Variants in KLHL2 observed in about 807,000 individuals in gnomAD.
KLHL2 encodes the protein kelch like family member 2.
In KLHL2, 15 loss-of-function variants were observed where a neutral mutation model predicts 75.8. The ratio of observed to expected loss-of-function variants is 0.20; its 90% confidence interval spans 0.13 to 0.30. The LOEUF is 0.30. Among genes scored for constraint, KLHL2 ranks in the 10% least tolerant of loss-of-function variants. KLHL2 has a pLI of 1.00. For synonymous variants in KLHL2, 214 were observed against 251.9 expected (o/e 0.85, Z 1.42); for missense variants, 381 against 741.0 (o/e 0.51, Z 5.64).
At chr4:165,275,982 G>A (rs1322688418) in intron 5 of KLHL2, among the ~76,000 whole-genome samples, 1 of 149,586 alleles carries the variant, frequency 6.7e-6, no homozygotes, top group Middle Eastern at 3.2e-3. Flanking sequence ...AAAAAAAAGA[G>A]CCAGGCATGG....
chr4:165,294,379 G>C lies in KLHL2; in HGVS notation c.565G>C (p.Val189Leu), dbSNP rs775595590. 6.2e-7 allele frequency: 1 copy of C among 1,607,722 alleles called. No individual in the cohort carries two copies. The highest frequency in any genetic ancestry group is 2.2e-5 in the East Asian group (1 of 44,814). The change falls in exon 6 of 15, where the codon GTA becomes CTA. Residue 189 changes from valine (V) to leucine (L), a missense_variant. Val to Leu is a conservative substitution (Grantham distance 32, BLOSUM62 1). Around this residue, in one of 5 missense-constraint regions of KLHL2, gnomAD observed 111 missense variants for 150.1 expected, o/e 0.74. Coordinates refer to ENST00000226725, the MANE Select transcript of KLHL2 (RefSeq NM_007246.4). Reference sequence around the variant, plus strand: ...AACAGAGCAACATTTTGCAGATGTTGTACTTAGTGAAGAATTTCTCAATCT... The same window carrying C: ...AACAGAGCAACATTTTGCAGATGTTCTACTTAGTGAAGAATTTCTCAATCT... ...TYAEQHFADVVLSEEFLNLGI... is the reference protein window; with the variant it reads ...TYAEQHFADVLLSEEFLNLGI...
At chr4:165,219,188 G>C (rs1290011988) in intron 1 of KLHL2, among the ~76,000 whole-genome samples, 5 of 152,180 alleles carry the variant, frequency 3.3e-5, no homozygotes, top group African/African-American at 1.2e-4. Context: ...AATATTCACT[G>C]TTCAGTGTAG....
At position 165,280,822 on chromosome 4, in the gene KLHL2, T is replaced by G. The variant is rs1743609874; in HGVS notation, c.545-13537T>G. Among the ~76,000 whole-genome samples, 2 of 152,244 alleles carry G rather than the reference T, an allele frequency of 1.3e-5. 1 individual carries two copies. Among genetic ancestry groups the G allele is most frequent in the South Asian group, 4.1e-4 (2 of 4,834 alleles). On this transcript the variant is annotated intron_variant, in intron 5 of 14. Transcript: ENST00000226725. Reference sequence around the variant, plus strand: ...ATGAGTTAACTGTTTTCAGGTTTCATTAAAACTGCCTTATGTTAATAGAAC... The same window carrying G: ...ATGAGTTAACTGTTTTCAGGTTTCAGTAAAACTGCCTTATGTTAATAGAAC...
chr4:165,304,283 A>G (rs951062005), intron 8 of KLHL2, among the ~76,000 whole-genome samples: 66 of 152,302 alleles, frequency 4.3e-4, no homozygotes, highest in African/African-American at 1.6e-3. Context: ...CAAAAACTAA[A>G]ATGGGCTTCT....
At chr4:165,219,401 T>C (rs1737808761) in intron 1 of KLHL2, among the ~76,000 whole-genome samples, 1 of 152,262 alleles carries the variant, frequency 6.6e-6, no homozygotes, top group South Asian at 2.1e-4. Flanking sequence ...GGCTGCCATA[T>C]GGTAAATACT....
At chr4:165,217,024 T>G (rs756318106) in intron 1 of KLHL2, among the ~76,000 whole-genome samples, 2 of 152,174 alleles carry the variant, frequency 1.3e-5, no homozygotes, top group African/African-American at 2.4e-5. Flanking sequence ...ATTCCTAAGT[T>G]CTTAAGCAAA....
chr4:165,309,842 C>T (rs781117038), intron 9 of KLHL2, among the ~76,000 whole-genome samples: 14 of 152,048 alleles, frequency 9.2e-5, no homozygotes, highest in Non-Finnish European at 1.5e-4. Context: ...ACTAGGAATA[C>T]GTTATGCAAA....
chr4:165,239,318 T>A (rs1362361671), intron 4 of KLHL2, among the ~76,000 whole-genome samples: 1 of 151,036 alleles, frequency 6.6e-6, no homozygotes, highest in Non-Finnish European at 1.5e-5. Flanking sequence ...GGGTGGTGTG[T>A]GGTGGTGTGA....
At chr4:165,287,798 A>G (rs951566886) in intron 5 of KLHL2, among the ~76,000 whole-genome samples, 2 of 152,146 alleles carry the variant, frequency 1.3e-5, no homozygotes, top group Non-Finnish European at 2.9e-5. Flanking sequence ...CTTATTGGCA[A>G]TTTGTATATC....
In KLHL2 at chr4:165,207,589, G is replaced by A. The variant is rs573491209; in HGVS notation, c.-288G>A. 0.039 allele frequency: 5,870 copies of A among 149,740 alleles called. 147 individuals are homozygous for A. Among genetic ancestry groups the A allele is most frequent in the African/African-American group, 0.053 (2,172 of 41,168 alleles). The allele number at this position is 149,740 out of a possible 1,614,324, so 9.3% of individuals were successfully genotyped here. On this transcript the variant is annotated 5_prime_UTR_variant, in exon 1 of 15. Coordinates refer to ENST00000226725, the MANE Select transcript of KLHL2 (RefSeq NM_007246.4). The surrounding 1 kb of genome is among the most constrained non-coding windows in gnomAD (Gnocchi z 4.2). The stretch of plus-strand genomic sequence containing the variant: ...CCCGTCACAGCGTCGGCGCCGGCCG[G>A]GGCCGAACCCGGAAGTGGCCGAGCC...
At position 165,277,778 on chromosome 4, in the gene KLHL2, C is replaced by CAT. The variant is rs1743254008; in HGVS notation, c.544+14420_544+14421insTA. ...ACACACACACACACACACACACACA[C>CAT]ACACACACCAAATATTTCTATAGCA... On this transcript the variant is annotated intron_variant, in intron 5 of 14. Coordinates refer to ENST00000226725, the MANE Select transcript of KLHL2 (RefSeq NM_007246.4). 4 of 583,902 alleles carry CAT rather than the reference C, an allele frequency of 6.9e-6. No individual in the cohort carries two copies. The South Asian group carries it at 7.6e-5, about 11-fold the overall frequency. The allele number at this position is 583,902 out of a possible 1,614,324, so 36.2% of individuals were successfully genotyped here. A position where few individuals can be genotyped will look rare whatever the true frequency, so the allele number is the denominator to read the frequency against.
At chr4:165,252,452 T>C (rs1234777193) in intron 4 of KLHL2, 1 of 152,138 alleles carries the variant, frequency 6.6e-6, no homozygotes, top group African/African-American at 2.4e-5. Context: ...TTAAAAATAT[T>C]ATTACCTCTT....
intron 1 of KLHL2, among the ~76,000 whole-genome samples, chr4:165,208,821 T>A (rs1737014239): frequency 6.6e-6 from 1 of 152,116 alleles, no homozygotes; most frequent in South Asian, 2.1e-4. Context: ...TGAAGAATGG[T>A]TTACCTTTTC....
At chr4:165,288,217 G>T (rs937953490) in intron 5 of KLHL2, among the ~76,000 whole-genome samples, 1 of 152,064 alleles carries the variant, frequency 6.6e-6, no homozygotes, top group African/African-American at 2.4e-5. Context: ...TTTCTATGTG[G>T]ATGTCTAGTT....
intron 4 of KLHL2, among the ~76,000 whole-genome samples, chr4:165,249,196 A>G (rs1740490222): frequency 6.6e-6 from 1 of 152,228 alleles, no homozygotes; most frequent in South Asian, 2.1e-4. Flanking sequence ...CGCTTGCCCA[A>G]TCTATTTCTT....
chr4:165,220,390 G>A (rs1367603939), intron 2 of KLHL2, among the ~76,000 whole-genome samples: 1 of 152,084 alleles, frequency 6.6e-6, no homozygotes, highest in African/African-American at 2.4e-5. Context: ...TTGATTCCAT[G>A]TAGAAATGAT....
chr4:165,309,240 A>G lies in KLHL2; in HGVS notation c.1040-1313A>G, dbSNP rs79042572. Among the ~76,000 whole-genome samples, 773 of 152,332 alleles carry G rather than the reference A, an allele frequency of 5.1e-3. 7 individuals are homozygous for G. Among genetic ancestry groups the G allele is most frequent in the East Asian group, 0.037 (193 of 5,182 alleles). ...GTACACAACATAGATGTTATTTGCT[A>G]TAGGGTTCGGGAGCTGGACATAATC... On this transcript the variant is annotated intron_variant, in intron 9 of 14. Coordinates refer to ENST00000226725, the MANE Select transcript of KLHL2 (RefSeq NM_007246.4).
chr4:165,270,317 T>C (rs879740936), intron 5 of KLHL2, among the ~76,000 whole-genome samples: 25 of 152,336 alleles, frequency 1.6e-4, no homozygotes, highest in Admixed American at 3.3e-4. Flanking sequence ...TGAAGCCTAC[T>C]TCTGTCAATT....
chr4:165,272,654 A>G (rs1391152740), intron 5 of KLHL2, among the ~76,000 whole-genome samples: 1 of 151,942 alleles, frequency 6.6e-6, no homozygotes, highest in East Asian at 1.9e-4. Context: ...ATATCCAAAC[A>G]TAGTTCATAT....
Sources: allele counts gnomAD v4.1 joint callset (sites outside exome capture counted in the v4.1 genomes callset), GRCh38; gene constraint gnomAD v4.1.1; regional missense constraint gnomAD v4.1.1; non-coding constraint Gnocchi (gnomAD v3.1); transcripts MANE v1.5; gene names NCBI Gene and HGNC (gene_info 2026-07-23, HGNC 2026-07-21).